The following PRDM15 variants were observed in gnomAD, a reference collection of about 807,000 sequenced individuals.
PRDM15 encodes PR/SET domain 15, also known as PR domain zinc finger protein 15.
PRDM15 carries 64 observed loss-of-function variants against 128.6 expected under a neutral mutation model. That is an observed-to-expected ratio of 0.50 (90% CI 0.41 to 0.61). The LOEUF is 0.61. PRDM15 is among the 20% of genes least tolerant of loss of function. PRDM15 has a pLI of 0.00. For missense variants in PRDM15, 1,242 were observed against 1,569.1 expected, an observed-to-expected ratio of 0.79 and a Z score of 3.52; for synonymous variants, 615 against 621.8, an observed-to-expected ratio of 0.99 and a Z score of 0.16.
At position 41,828,111 on chromosome 21, in the gene PRDM15, C is replaced by T. The variant is rs2062534198; in HGVS notation, c.1534+55G>A. 6.3e-7 allele frequency: 1 copy of T among 1,594,752 alleles called. No homozygotes were observed. The highest frequency in any genetic ancestry group is 2.2e-5 in the East Asian group (1 of 44,722). ...GCTGACTGCTCCATGCCGCCCTGCC[C>T]CACCCCGCAGGAGCTGCCTCTCCCC... On this transcript the variant is annotated intron_variant, in intron 12 of 23. Coordinates refer to ENST00000398548, the MANE Select transcript of PRDM15 (RefSeq NM_001040424.3). This position sits in a 1 kb window ranked among gnomAD's most constrained non-coding sequence, Gnocchi z 5.7.
At chr21:41,861,165 CT>C (rs2063796424) in intron 1 of PRDM15, among the ~76,000 whole-genome samples, 2 of 152,280 alleles carry the variant, frequency 1.3e-5, no homozygotes, top group Non-Finnish European at 2.9e-5. Flanking sequence ...CCGGTTGTCA[CT>C]TTTTTTCCCC....
Position 41,879,344 on chromosome 21 carries a change from C to A in PRDM15, c.-84G>T. The A allele has an allele frequency of 9.2e-7, 1 of 1,086,658 alleles. No individual in the cohort carries two copies. The highest frequency in any genetic ancestry group is 1.1e-6 in the Non-Finnish European group (1 of 888,126). 67.3% of individuals were successfully genotyped at this position (1,086,658 alleles called of 1,614,324 possible). A position where few individuals can be genotyped will look rare whatever the true frequency, so the allele number is the denominator to read the frequency against. On this transcript the variant is annotated 5_prime_UTR_variant, in exon 1 of 24. Transcript: ENST00000398548. The surrounding 1 kb of genome is among the most constrained non-coding windows in gnomAD (Gnocchi z 5.1). ...ATCCGCTCCGGAAACTGCGCAGCAC[C>A]GGAAGCCGGGGGGCGGCGGCGGGGC... is the stretch of plus-strand genomic sequence containing the variant.
At chr21:41,820,026 C>A in intron 17 of PRDM15, 69 bp downstream of exon 17, 1 of 1,308,798 alleles carries the variant, frequency 7.6e-7, no homozygotes, top group Admixed American at 1.7e-5. Flanking sequence ...TACGCGGAGA[C>A]CCCCAGCATC....
chr21:41,867,739 C>T (rs1303947004), intron 1 of PRDM15, among the ~76,000 whole-genome samples: 1 of 152,164 alleles, frequency 6.6e-6, no homozygotes, highest in Non-Finnish European at 1.5e-5. Flanking sequence ...AAATCTTCTC[C>T]ATCTGTACAA....
At chr21:41,837,773 TTCCTGAGCTCCAGAACA>T (rs1483141011) in intron 8 of PRDM15, among the ~76,000 whole-genome samples, 144 bp downstream of exon 8, 184 of 5,298 alleles carry the variant, frequency 0.035, no homozygotes, top group Admixed American at 0.079. Context: ...CTCCAGAACA[TTCCTGAGCTCCAGAACA>T]TTCCTGCTGC....
At chr21:41,836,091 C>T (rs1317981272) in intron 10 of PRDM15, 22 bp downstream of exon 10, 3 of 1,571,360 alleles carry the variant, frequency 1.9e-6, no homozygotes, top group Non-Finnish European at 2.6e-6. Flanking sequence ...GGGAAGAGAA[C>T]CCTGGGCTTG....
At chr21:41,877,612 T>C (rs952201217) in intron 1 of PRDM15, 2 of 152,260 alleles carry the variant, frequency 1.3e-5, no homozygotes, top group African/African-American at 4.8e-5. Context: ...GGCAGGACTG[T>C]TCTTTCCTGG....
intron 17 of PRDM15, 195 bp from the exon 18 acceptor site, chr21:41,819,896 G>A (rs1038182889): frequency 2.7e-5 from 21 of 787,014 alleles, no homozygotes; most frequent in Middle Eastern, 3.7e-4. Context: ...CTGAGGACCT[G>A]GAGGGGTGAG....
intron 5 of PRDM15, among the ~76,000 whole-genome samples, chr21:41,851,517 G>A (rs951954335): frequency 2.0e-5 from 3 of 152,246 alleles, no homozygotes; most frequent in African/African-American, 7.2e-5. Flanking sequence ...GGGCTCAGGG[G>A]AAGGAGCCAG....
At chr21:41,802,596 T>C in intron 23 of PRDM15, 116 bp downstream of exon 23, 1 of 854,170 alleles carries the variant, frequency 1.2e-6, no homozygotes, top group Non-Finnish European at 2.0e-6. Context: ...TTCAACCACA[T>C]GAAGTCCACA....
chr21:41,837,442 G>A (rs149393391), intron 8 of PRDM15, among the ~76,000 whole-genome samples: 199 of 152,302 alleles, frequency 1.3e-3, no homozygotes, highest in African/African-American at 4.3e-3. Context: ...AGTCACATAA[G>A]GACAAATCCT....
In PRDM15 at chr21:41,821,772, G is replaced by T; in HGVS notation, c.1896+131C>A. ...GCACCCAGTCTGCAGTAGGACCACTGGCCGGAGCCTTTGGGGAGGGAGGGC... is the reference window on the plus strand; with the variant it reads ...GCACCCAGTCTGCAGTAGGACCACTTGCCGGAGCCTTTGGGGAGGGAGGGC... On this transcript the variant is annotated intron_variant, in intron 15 of 23. Coordinates refer to ENST00000398548, the MANE Select transcript of PRDM15 (RefSeq NM_001040424.3). The surrounding 1 kb of genome is among the most constrained non-coding windows in gnomAD (Gnocchi z 5.4). The T allele has an allele frequency of 1.8e-6, 2 of 1,142,042 alleles. No individual in the cohort carries two copies. The highest frequency in any genetic ancestry group is 2.5e-6 in the Non-Finnish European group (2 of 788,306). 70.7% of individuals were successfully genotyped at this position (1,142,042 alleles called of 1,614,324 possible).
chr21:41,806,039 CCA>C (rs2061569598), intron 21 of PRDM15, among the ~76,000 whole-genome samples: 2 of 29,092 alleles, frequency 6.9e-5, no homozygotes, highest in Non-Finnish European at 1.5e-4. Flanking sequence ...ACCATCACCA[CCA>C]CCATCACCAC....
In PRDM15 at chr21:41,821,009, C is replaced by T; in HGVS notation, c.2060+58G>A. ...GCTCCTTATAGCATGTGTCTCTTTGCAAGGAAGCATGTCCCCTCTCTCCTG... is the reference window on the plus strand; with the variant it reads ...GCTCCTTATAGCATGTGTCTCTTTGTAAGGAAGCATGTCCCCTCTCTCCTG... On this transcript the variant is annotated intron_variant, in intron 16 of 23. Transcript: ENST00000398548. The surrounding 1 kb of genome is among the most constrained non-coding windows in gnomAD (Gnocchi z 5.4). 6.2e-7 allele frequency: 1 copy of T among 1,603,870 alleles called. No individual in the cohort carries two copies. Among genetic ancestry groups the T allele is most frequent in the Non-Finnish European group, 8.5e-7 (1 of 1,171,108 alleles).
Position 41,859,628 on chromosome 21 carries a change from A to AC in PRDM15, c.94dup (p.Val32GlyfsTer48). The AC allele has an allele frequency of 1.2e-6, 2 of 1,613,850 alleles. No individual in the cohort carries two copies. The highest frequency in any genetic ancestry group is 8.5e-7 in the Non-Finnish European group (1 of 1,179,946). On this transcript the variant is annotated frameshift_variant, in exon 3 of 24. Coordinates refer to ENST00000398548, the MANE Select transcript of PRDM15 (RefSeq NM_001040424.3). LOFTEE classifies it high-confidence loss of function. This position sits in a 1 kb window ranked among gnomAD's most constrained non-coding sequence, Gnocchi z 5.3. ...TAACACAAAGGAGTCTTTGACCATGACCACTGGGCCCAGCTCGGGACATTC... is the reference window on the plus strand; with the variant it reads ...TAACACAAAGGAGTCTTTGACCATGACCCACTGGGCCCAGCTCGGGACATTC...
intron 21 of PRDM15, among the ~76,000 whole-genome samples, chr21:41,808,175 C>T (rs1477817599): frequency 6.6e-6 from 1 of 152,252 alleles, no homozygotes; most frequent in Non-Finnish European, 1.5e-5. Flanking sequence ...TGCTCACGGG[C>T]TGCTGGGTGG....
intron 18 of PRDM15, among the ~76,000 whole-genome samples, 161 bp downstream of exon 18, chr21:41,819,421 G>A (rs530761620): frequency 8.2e-4 from 118 of 144,498 alleles, no homozygotes; most frequent in Non-Finnish European, 1.3e-3. Flanking sequence ...TGGCCCTGGC[G>A]CCTGTACCCA....
intron 11 of PRDM15, 28 bp downstream of exon 11, chr21:41,835,409 C>A (rs770224493): frequency 6.3e-7 from 1 of 1,584,762 alleles, no homozygotes; most frequent in East Asian, 2.2e-5. Flanking sequence ...GCACAGCGGC[C>A]GAGGGGAGAC....
At chr21:41,868,323 G>A (rs539995133) in intron 1 of PRDM15, among the ~76,000 whole-genome samples, 7 of 152,238 alleles carry the variant, frequency 4.6e-5, no homozygotes, top group Non-Finnish European at 7.4e-5. Context: ...TTGTACATAC[G>A]TTTTCATTTC....
Sources: allele counts gnomAD v4.1 joint callset (sites outside exome capture counted in the v4.1 genomes callset), GRCh38; gene constraint gnomAD v4.1.1; non-coding constraint Gnocchi (gnomAD v3.1); transcripts MANE v1.5; gene names NCBI Gene and HGNC (gene_info 2026-07-23, HGNC 2026-07-21).